AFF1: variants seen among roughly 807,000 people sequenced by gnomAD.
AFF1 encodes ALF transcription elongation factor 1.
A neutral mutation model predicts 121.7 loss-of-function variants in AFF1; 48 were observed. The observed-to-expected ratio is 0.39, with a 90% CI of 0.31 to 0.50. AFF1 has a LOEUF of 0.50. AFF1 is among the 20% of genes least tolerant of loss of function. The probability of loss-of-function intolerance (pLI) is 0.76; values close to 1 mark genes in which losing one functional copy is unlikely to be tolerated. For missense variants in AFF1, 1,523 were observed against 1,511.7 expected, an observed-to-expected ratio of 1.01 and a Z score of -0.12; for synonymous variants, 613 against 563.0, an observed-to-expected ratio of 1.09 and a Z score of -1.26.
intron 2 of AFF1, among the ~76,000 whole-genome samples, chr4:87,033,759 GT>G (rs1329071024): frequency 2.6e-5 from 4 of 151,826 alleles, no homozygotes; most frequent in African/African-American, 9.7e-5. Context: ...AAAATTTGAT[GT>G]TTTAATCAGT....
At position 87,137,232 on chromosome 4, in the gene AFF1, C is replaced by T. The variant is rs376948805; in HGVS notation, c.*1531C>T. 13 of 228,534 alleles carry T rather than the reference C, an allele frequency of 5.7e-5. No individual in the cohort carries two copies. The South Asian group carries it at 2.2e-3, about 38-fold the overall frequency. 14.2% of individuals were successfully genotyped at this position (228,534 alleles called of 1,614,324 possible). ...GTCATCTCTATAACTTTTTCTCCGC[C>T]TTTGTCCCATTCTGCCCCTGTACAT... On this transcript the variant is annotated 3_prime_UTR_variant, in exon 21 of 21. Coordinates refer to ENST00000395146, the MANE Select transcript of AFF1 (RefSeq NM_001166693.3).
At chr4:87,049,174 T>C (rs1731027546) in intron 4 of AFF1, among the ~76,000 whole-genome samples, 1 of 151,706 alleles carries the variant, frequency 6.6e-6, no homozygotes, top group African/African-American at 2.4e-5. Flanking sequence ...TTTAGACAAA[T>C]TAGCAAATAT....
rs943018084 is a variant in AFF1 at position 87,049,159 on chromosome 4, C to T, written c.1059+1565C>T. Among the ~76,000 whole-genome samples the T allele has an allele frequency of 8.4e-5, 12 of 142,454 alleles. No individual in the cohort carries two copies. In the Admixed American group the frequency reaches 8.4e-4, roughly 10 times the overall value. The allele number at this position is 142,454 out of a possible 152,430, so 93.5% of individuals were successfully genotyped here. On this transcript the variant is annotated intron_variant, in intron 4 of 20. Coordinates refer to ENST00000395146, the MANE Select transcript of AFF1 (RefSeq NM_001166693.3). Reference sequence around the variant, plus strand: ...ACAAACCTAAAAAATTGCTTTAAAACAATTTTTAGACAAATTAGCAAATAT... The same window carrying T: ...ACAAACCTAAAAAATTGCTTTAAAATAATTTTTAGACAAATTAGCAAATAT...
chr4:87,074,889 C>T (rs1381290920), intron 4 of AFF1, among the ~76,000 whole-genome samples: 1 of 152,120 alleles, frequency 6.6e-6, no homozygotes, highest in Non-Finnish European at 1.5e-5. Flanking sequence ...GGACAACAAC[C>T]ACTCATTGTT....
intron 11 of AFF1, among the ~76,000 whole-genome samples, chr4:87,109,878 G>A (rs973056118): frequency 6.6e-6 from 1 of 152,144 alleles, no homozygotes; most frequent in African/African-American, 2.4e-5. Flanking sequence ...GTTATGTATT[G>A]CAGATCCAGG....
rs552581839 is a variant in AFF1 at position 87,070,388 on chromosome 4, C to T, written c.1060-13732C>T. 9.2e-5 allele frequency among the ~76,000 whole-genome samples: 14 copies of T among 152,358 alleles called. No homozygotes were observed. In the East Asian group the frequency reaches 9.6e-4, roughly 10 times the overall value. ...TCCTGACCTTGTGATCCACCTGCCT[C>T]GGCCTCCCAAAATGCTGGGATTACA... On this transcript the variant is annotated intron_variant, in intron 4 of 20. Coordinates refer to ENST00000395146, the MANE Select transcript of AFF1 (RefSeq NM_001166693.3).
chr4:87,028,962 T>C (rs1216009353), intron 2 of AFF1, among the ~76,000 whole-genome samples: 2 of 152,124 alleles, frequency 1.3e-5, no homozygotes, highest in African/African-American at 4.8e-5. Context: ...TTTTATTTCA[T>C]GGCCAGGGCT....
chr4:87,120,656 G>C (rs771129717), intron 12 of AFF1, among the ~76,000 whole-genome samples: 1 of 152,198 alleles, frequency 6.6e-6, no homozygotes, highest in Non-Finnish European at 1.5e-5. Context: ...TGAATAAGGT[G>C]GTTACCGCGT....
At position 86,989,522 on chromosome 4, in the gene AFF1, AAAC is replaced by A. The variant is rs1256332307; in HGVS notation, c.38+40956_38+40958del. 2.4e-4 allele frequency among the ~76,000 whole-genome samples: 37 copies of A among 152,334 alleles called. 2 individuals carry two copies. In the East Asian group the frequency reaches 4.0e-3, roughly 17 times the overall value. ...GAATGATGATCATTAAAAAGTCAGG[AAAC>A]AACATGCTGGAGAGGATGTGGAGAA... On this transcript the variant is annotated intron_variant, in intron 2 of 20. Coordinates refer to ENST00000395146, the MANE Select transcript of AFF1 (RefSeq NM_001166693.3).
At chr4:87,080,178 C>T (rs545052955) in intron 4 of AFF1, among the ~76,000 whole-genome samples, 55 of 152,120 alleles carry the variant, frequency 3.6e-4, no homozygotes, top group East Asian at 2.5e-3. Flanking sequence ...GGGGAGAGCT[C>T]GTGCCCTCTA....
intron 2 of AFF1, among the ~76,000 whole-genome samples, chr4:87,004,813 A>C (rs963439177): frequency 1.3e-5 from 2 of 152,348 alleles, no homozygotes; most frequent in South Asian, 4.1e-4. Flanking sequence ...AGAAAATCCA[A>C]CTTCACACAG....
intron 6 of AFF1, among the ~76,000 whole-genome samples, chr4:87,090,532 A>C (rs1724191094): frequency 6.6e-6 from 1 of 152,232 alleles, no homozygotes; most frequent in Non-Finnish European, 1.5e-5. Context: ...AGTATTTATG[A>C]ACAATGCGTT....
At chr4:87,060,366 T>C (rs1720613012) in intron 4 of AFF1, among the ~76,000 whole-genome samples, 1 of 152,238 alleles carries the variant, frequency 6.6e-6, no homozygotes. Context: ...TGTGTGTGTG[T>C]ATATATACTT....
At chr4:87,006,641 TC>T (rs1201167827) in intron 2 of AFF1, among the ~76,000 whole-genome samples, 1 of 152,250 alleles carries the variant, frequency 6.6e-6, no homozygotes, top group Non-Finnish European at 1.5e-5. Context: ...GCGGTCTTGT[TC>T]CTGCTCACTG....
intron 10 of AFF1, 38 bp from the exon 11 acceptor site, chr4:87,108,121 A>G (rs1726104918): frequency 1.9e-6 from 3 of 1,607,568 alleles, no homozygotes; most frequent in Non-Finnish European, 2.5e-6. Context: ...TCCACCTTGT[A>G]TCGTGCCTTC....
chr4:86,947,538 T>G (rs562102161), intron 1 of AFF1, among the ~76,000 whole-genome samples: 2 of 152,368 alleles, frequency 1.3e-5, no homozygotes, highest in East Asian at 3.9e-4. Flanking sequence ...CAGTCTGTAC[T>G]AAGATAATTT....
rs1213002053 is a variant in AFF1, at chr4:86,968,322, CATTAA to C, written c.38+19754_38+19758del. On this transcript the variant is annotated intron_variant, in intron 2 of 20. Transcript: ENST00000395146. ...ACAGTAGAAATTCAATCAATTAATA[CATTAA>C]ATAATTTATAGAAGAATGATTATTG... 5.3e-5 allele frequency among the ~76,000 whole-genome samples: 8 copies of C among 152,142 alleles called. 1 individual carries two copies. Among genetic ancestry groups the C allele is most frequent in the African/African-American group, 1.4e-4 (6 of 41,424 alleles).
chr4:87,126,139 C>T lies in AFF1; in HGVS notation c.2614C>T (p.Leu872Phe). Residue 872 changes from leucine to phenylalanine, a missense_variant, in exon 14 of 21, where the codon CTC (leucine) becomes TTC (phenylalanine). Coordinates refer to ENST00000395146, the MANE Select transcript of AFF1 (RefSeq NM_001166693.3). The stretch of plus-strand genomic sequence containing the variant: ...CTCACAGTCCTCAAAGAAGGAAATG[C>T]TCCCCCCGCCACCCGTGTCCTCGTC... Reference protein sequence around the residue: ...PSSQSSKKEMLPPPPVSSSSQ... With the variant: ...PSSQSSKKEMFPPPPVSSSSQ... The T allele has an allele frequency of 6.2e-7, 1 of 1,614,176 alleles. No individual in the cohort carries two copies. Among genetic ancestry groups the T allele is most frequent in the Non-Finnish European group, 8.5e-7 (1 of 1,180,022 alleles).
At chr4:87,111,780 C>G (rs933976872) in intron 11 of AFF1, among the ~76,000 whole-genome samples, 3 of 152,192 alleles carry the variant, frequency 2.0e-5, no homozygotes, top group African/African-American at 7.2e-5. Context: ...ACCTGTTCCC[C>G]TTGTCTGGCA....
Sources: allele counts gnomAD v4.1 joint callset (sites outside exome capture counted in the v4.1 genomes callset), GRCh38; gene constraint gnomAD v4.1.1; transcripts MANE v1.5; gene names NCBI Gene and HGNC (gene_info 2026-07-23, HGNC 2026-07-21).